Variants in NREP observed in about 807,000 individuals in gnomAD.
NREP encodes the protein neuronal regeneration-related protein.
NREP carries 5 observed loss-of-function variants against 8.6 expected under a neutral mutation model. The observed-to-expected ratio is 0.58, with a 90% confidence interval of 0.30 to 1.22. The LOEUF (loss-of-function observed/expected upper bound fraction) is 1.22. Among genes scored for constraint, NREP ranks in the 50% most tolerant of loss-of-function variants. NREP has a pLI of 0.07. For missense variants in NREP, 86 were observed against 82.5 expected (o/e 1.04, Z -0.17); for synonymous variants, 27 against 28.0 (o/e 0.96, Z 0.11).
chr5:111,899,021 A>G (rs1276627535), intron 2 of NREP, among the ~76,000 whole-genome samples: 1 of 152,194 alleles, frequency 6.6e-6, no homozygotes, highest in Non-Finnish European at 1.5e-5. Flanking sequence ...AAGGAAAAAT[A>G]AAGTCCTAGA....
chr5:111,882,850 C>T (rs1236942962), intron 2 of NREP, among the ~76,000 whole-genome samples: 18 of 152,306 alleles, frequency 1.2e-4, no homozygotes, highest in South Asian at 2.1e-4. Context: ...AAGGAACAAC[C>T]GGTACCAGCC....
intron 2 of NREP, among the ~76,000 whole-genome samples, chr5:111,907,560 C>G (rs1250683411): frequency 6.6e-6 from 1 of 152,032 alleles, no homozygotes; most frequent in African/African-American, 2.4e-5. Flanking sequence ...TTTGCCAATA[C>G]CATATCATCT....
At chr5:111,745,098 G>C (rs1749919864) in intron 2 of NREP, among the ~76,000 whole-genome samples, 1 of 152,082 alleles carries the variant, frequency 6.6e-6, no homozygotes, top group African/African-American at 2.4e-5. Flanking sequence ...CTTTGGGCAG[G>C]TTTTCCAGGT....
chr5:111,734,709 T>G (rs1210969094), intron 3 of NREP: 1 of 700,722 alleles, frequency 1.4e-6, no homozygotes, highest in Admixed American at 2.0e-5. Flanking sequence ...AAATAGAAAT[T>G]TTATTTTCAG....
chr5:111,917,262 C>T (rs943221912), intron 2 of NREP, among the ~76,000 whole-genome samples: 2 of 152,122 alleles, frequency 1.3e-5, no homozygotes, highest in African/African-American at 4.8e-5. Flanking sequence ...GGATTCACAG[C>T]CGAATTCTAC....
At chr5:111,775,344 A>T (rs1273316395) in intron 2 of NREP, among the ~76,000 whole-genome samples, 1 of 152,104 alleles carries the variant, frequency 6.6e-6, no homozygotes, top group Non-Finnish European at 1.5e-5. Flanking sequence ...GTGCCTGGCA[A>T]TCTCCCTGTG....
chr5:111,765,600 C>T (rs908207218), intron 2 of NREP, among the ~76,000 whole-genome samples: 1 of 152,178 alleles, frequency 6.6e-6, no homozygotes, highest in Non-Finnish European at 1.5e-5. Context: ...CAGTGTAAGC[C>T]GCGGAGCTGG....
At chr5:111,951,832 T>A (rs945824701) in intron 2 of NREP, among the ~76,000 whole-genome samples, 3 of 152,124 alleles carry the variant, frequency 2.0e-5, no homozygotes, top group African/African-American at 7.2e-5. Flanking sequence ...TTATAATGGT[T>A]TATATCCATG....
At chr5:111,926,765 G>A (rs1048574582) in intron 2 of NREP, among the ~76,000 whole-genome samples, 1 of 151,904 alleles carries the variant, frequency 6.6e-6, no homozygotes, top group African/African-American at 2.4e-5. Context: ...AGTAACCCAG[G>A]TGTAGAGGAA....
At chr5:111,759,470 G>A (rs773491745), upstream of NREP, among the ~76,000 whole-genome samples, 4 of 148,552 alleles carry the variant, frequency 2.7e-5, no homozygotes, top group Non-Finnish European at 4.4e-5. Context: ...CATGTTGCCC[G>A]GTCTCAAACT....
At chr5:111,754,683 ACAAG>A (rs1306291086) in intron 2 of NREP, among the ~76,000 whole-genome samples, 1 of 152,216 alleles carries the variant, frequency 6.6e-6, no homozygotes, top group African/African-American at 2.4e-5. Context: ...TCATTTTCAA[ACAAG>A]GTCCATGTGG....
At chr5:111,932,537 A>G (rs1433729270) in intron 2 of NREP, among the ~76,000 whole-genome samples, 1 of 152,098 alleles carries the variant, frequency 6.6e-6, no homozygotes, top group East Asian at 1.9e-4. Context: ...ATTCAAAAAG[A>G]TCAGGACTTG....
At chr5:111,778,287 T>G (rs1002048003) in intron 2 of NREP, among the ~76,000 whole-genome samples, 2 of 152,186 alleles carry the variant, frequency 1.3e-5, no homozygotes, top group South Asian at 2.1e-4. Context: ...TGAGATTTAT[T>G]GACAACATCA....
At chr5:111,817,556 A>G (rs1291131436) in intron 2 of NREP, among the ~76,000 whole-genome samples, 1 of 152,140 alleles carries the variant, frequency 6.6e-6, no homozygotes. Context: ...CTGTAATCCC[A>G]GCACTTTGGG....
chr5:111,728,816 G>C (rs916993227), downstream of NREP: 2 of 152,074 alleles, frequency 1.3e-5, no homozygotes, highest in Admixed American at 6.6e-5. Context: ...TTTAAATTCT[G>C]TCTCAAATTT....
intron 2 of NREP, among the ~76,000 whole-genome samples, chr5:111,954,602 T>A (rs1756258238): frequency 6.6e-6 from 1 of 152,102 alleles, no homozygotes; most frequent in Non-Finnish European, 1.5e-5. Flanking sequence ...AAAATAACAT[T>A]TTCTCCTAAG....
At chr5:111,861,953 T>A (rs559516621) in intron 2 of NREP, among the ~76,000 whole-genome samples, 4 of 152,282 alleles carry the variant, frequency 2.6e-5, no homozygotes, top group African/African-American at 9.6e-5. Flanking sequence ...TACATATGAT[T>A]TTCTTATTTA....
intron 2 of NREP, among the ~76,000 whole-genome samples, chr5:111,934,879 C>G (rs1755638335): frequency 6.6e-6 from 1 of 151,914 alleles, no homozygotes; most frequent in Non-Finnish European, 1.5e-5. Flanking sequence ...CCAGACTTAC[C>G]TACACAAATT....
chr5:111,874,008 G>C (rs150822690), intron 2 of NREP, among the ~76,000 whole-genome samples: 68 of 152,080 alleles, frequency 4.5e-4, no homozygotes, highest in Non-Finnish European at 6.0e-4. Context: ...CTCACTGTTA[G>C]GGTGAGTGAT....
Sources: allele counts gnomAD v4.1 joint callset (sites outside exome capture counted in the v4.1 genomes callset), GRCh38; gene constraint gnomAD v4.1.1; transcripts MANE v1.5; gene names NCBI Gene and HGNC (gene_info 2026-07-23, HGNC 2026-07-21).